ZHX2: variants seen among roughly 807,000 people sequenced by gnomAD.
ZHX2 encodes the protein zinc fingers and homeoboxes 2.
A neutral mutation model predicts 21.9 loss-of-function variants in ZHX2; 6 were observed. The ratio of observed to expected loss-of-function variants is 0.27; its 90% CI spans 0.15 to 0.54. The LOEUF (loss-of-function observed/expected upper bound fraction) is 0.54. Among genes scored for constraint, ZHX2 ranks in the 20% least tolerant of loss-of-function variants. The pLI is 0.95. For synonymous variants in ZHX2, 434 were observed against 437.1 expected, an observed-to-expected ratio of 0.99 and a Z score of 0.09; for missense variants, 908 against 1,090.7, an observed-to-expected ratio of 0.83 and a Z score of 2.36.
chr8:122,964,710 G>A lies in ZHX2; in HGVS notation c.*5-8532G>A, dbSNP rs965621752. The stretch of plus-strand genomic sequence containing the variant: ...TTATCTTTTGCAATAGTTTCAGTAG[G>A]ATTGGTATCAATTCTTTTTTTTGAA... On this transcript the variant is annotated intron_variant, in intron 3 of 3. Coordinates refer to ENST00000314393, the MANE Select transcript of ZHX2 (RefSeq NM_014943.5). 8.1e-5 allele frequency among the ~76,000 whole-genome samples: 6 copies of A among 73,902 alleles called. No individual in the cohort carries two copies. In the East Asian group the frequency reaches 3.3e-3, roughly 41 times the overall value. The allele number at this position is 73,902 out of a possible 152,430, so 48.5% of individuals were successfully genotyped here.
chr8:122,964,547 T>C (rs1383894337), intron 3 of ZHX2, among the ~76,000 whole-genome samples: 3 of 152,190 alleles, frequency 2.0e-5, no homozygotes, highest in Admixed American at 1.3e-4. Flanking sequence ...AGTTAGCTAG[T>C]ATTTTGTTAA....
chr8:122,973,678 T>G lies in ZHX2; in HGVS notation c.*441T>G, dbSNP rs927923582. The G allele has an allele frequency of 6.6e-6, 1 of 152,618 alleles. No individual in the cohort carries two copies. The highest frequency in any genetic ancestry group is 6.5e-5 in the Admixed American group (1 of 15,280). 9.5% of individuals were successfully genotyped at this position (152,618 alleles called of 1,614,324 possible). A position where few individuals can be genotyped will look rare whatever the true frequency, so the allele number is the denominator to read the frequency against. On this transcript the variant is annotated 3_prime_UTR_variant, in exon 4 of 4. Transcript: ENST00000314393. Reference sequence around the variant, plus strand: ...TTTCTTTTTTTTATTTTTGTTTTATTAATTTGGGGAAAGGGGTGTTAGCAT... The same window carrying G: ...TTTCTTTTTTTTATTTTTGTTTTATGAATTTGGGGAAAGGGGTGTTAGCAT...
At chr8:122,867,108 A>G (rs1819319411) in intron 2 of ZHX2, among the ~76,000 whole-genome samples, 2 of 151,976 alleles carry the variant, frequency 1.3e-5, no homozygotes, top group African/African-American at 4.8e-5. Context: ...TGCTGGGGTT[A>G]CAGGCATGAG....
At chr8:122,887,440 C>T (rs1819870298) in intron 2 of ZHX2, among the ~76,000 whole-genome samples, 1 of 152,014 alleles carries the variant, frequency 6.6e-6, no homozygotes, top group African/African-American at 2.4e-5. Flanking sequence ...ATAGCTTGAA[C>T]CTGGGAGGCA....
At chr8:122,962,267 C>T (rs1813475350) in intron 3 of ZHX2, among the ~76,000 whole-genome samples, 1 of 152,182 alleles carries the variant, frequency 6.6e-6, no homozygotes, top group Non-Finnish European at 1.5e-5. Flanking sequence ...TCTTTTATCC[C>T]TGACCCCCCT....
intron 2 of ZHX2, among the ~76,000 whole-genome samples, chr8:122,929,826 C>G (rs1389679785): frequency 6.6e-6 from 1 of 152,154 alleles, no homozygotes; most frequent in Non-Finnish European, 1.5e-5. Flanking sequence ...ATAAATCCAA[C>G]TCTATGGCGC....
chr8:122,797,092 A>C (rs547504496), intron 1 of ZHX2, among the ~76,000 whole-genome samples: 24 of 152,192 alleles, frequency 1.6e-4, no homozygotes, highest in Non-Finnish European at 3.1e-4. Context: ...GCATTGGATG[A>C]GATATGTGAG....
chr8:122,881,413 C>T (rs1305895593), intron 2 of ZHX2, among the ~76,000 whole-genome samples: 2 of 152,234 alleles, frequency 1.3e-5, no homozygotes, highest in Non-Finnish European at 2.9e-5. Context: ...TTATTGACTT[C>T]TCTGTGCCTC....
chr8:122,924,272 C>T (rs924404275), intron 2 of ZHX2, among the ~76,000 whole-genome samples: 5 of 152,160 alleles, frequency 3.3e-5, no homozygotes, highest in Admixed American at 2.6e-4. Flanking sequence ...CCTCAGGCTT[C>T]CTTGGCTTGC....
intron 2 of ZHX2, among the ~76,000 whole-genome samples, chr8:122,900,397 T>C (rs916491179): frequency 6.6e-6 from 1 of 152,100 alleles, no homozygotes; most frequent in African/African-American, 2.4e-5. Context: ...TGAGAATTAA[T>C]AGAGTGAGAC....
At chr8:122,866,542 G>A (rs769788089) in intron 2 of ZHX2, among the ~76,000 whole-genome samples, 4 of 152,122 alleles carry the variant, frequency 2.6e-5, no homozygotes, top group South Asian at 2.1e-4. Context: ...CAAACACAGC[G>A]CCTGTGCCTA....
intron 1 of ZHX2, among the ~76,000 whole-genome samples, chr8:122,861,648 C>T (rs913428819): frequency 5.3e-5 from 8 of 152,182 alleles, no homozygotes; most frequent in Non-Finnish European, 7.3e-5. Context: ...AGCAGCTAGA[C>T]TATACTGGTT....
chr8:122,943,609 C>A (rs538161897), intron 2 of ZHX2, among the ~76,000 whole-genome samples: 6 of 152,184 alleles, frequency 3.9e-5, no homozygotes, highest in Admixed American at 3.9e-4. Context: ...CCAAACCCAA[C>A]GGGCGAAAGT....
chr8:122,860,861 G>A (rs1226240961), intron 1 of ZHX2, among the ~76,000 whole-genome samples: 3 of 151,804 alleles, frequency 2.0e-5, no homozygotes, highest in South Asian at 4.2e-4. Context: ...GGTGAAACCC[G>A]ATCTCTACTA....
intron 1 of ZHX2, among the ~76,000 whole-genome samples, chr8:122,837,199 T>A (rs1007109480): frequency 5.9e-5 from 9 of 152,040 alleles, no homozygotes. Context: ...CCCTATGGAG[T>A]AGCCATTATT....
chr8:122,871,898 T>C (rs954826556), intron 2 of ZHX2, among the ~76,000 whole-genome samples: 2 of 152,168 alleles, frequency 1.3e-5, no homozygotes, highest in Non-Finnish European at 2.9e-5. Flanking sequence ...GGGATAGATG[T>C]ATTGGGAATC....
At chr8:122,930,382 A>G (rs1338789682) in intron 2 of ZHX2, among the ~76,000 whole-genome samples, 1 of 152,326 alleles carries the variant, frequency 6.6e-6, no homozygotes, top group South Asian at 2.1e-4. Context: ...GGGATTGCGG[A>G]AGAATGGACA....
Position 122,953,688 on chromosome 8 carries a change from G to T in ZHX2, c.2178G>T (p.Val726=), listed in dbSNP as rs748624493. ...AGAGCCCAAAGAACGGGGGTGATGT[G>T]GTTCCACAATATTACAAGGACCCCA... ...MAESPKNGGD[V]VPQYYKDPKK... is the part of the protein sequence containing the mutation. The change falls in exon 3 of 4, where the codon GTG becomes GTT. Residue 726 remains valine (V), a synonymous_variant. Coordinates refer to ENST00000314393, the MANE Select transcript of ZHX2 (RefSeq NM_014943.5). This position sits in a 1 kb window ranked among gnomAD's most constrained non-coding sequence, Gnocchi z 4.6. The T allele has an allele frequency of 5.6e-6, 9 of 1,614,224 alleles. No individual in the cohort carries two copies. The highest frequency in any genetic ancestry group is 2.2e-5 in the South Asian group (2 of 91,080).
intron 1 of ZHX2, among the ~76,000 whole-genome samples, chr8:122,836,291 G>A (rs958283956): frequency 7.2e-5 from 11 of 152,138 alleles, no homozygotes; most frequent in African/African-American, 2.7e-4. Context: ...GGGCTCCCGG[G>A]AAAACTTACC....
Sources: allele counts gnomAD v4.1 joint callset (sites outside exome capture counted in the v4.1 genomes callset), GRCh38; gene constraint gnomAD v4.1.1; non-coding constraint Gnocchi (gnomAD v3.1); transcripts MANE v1.5; gene names NCBI Gene and HGNC (gene_info 2026-07-23, HGNC 2026-07-21).